Variants in CXorf58 observed in about 807,000 individuals in gnomAD.
CXorf58 encodes chromosome X open reading frame 58, also known as uncharacterized protein CXorf58.
Under a neutral mutation model 26.0 loss-of-function variants are expected in CXorf58, and 24 were observed. The ratio of observed to expected loss-of-function variants is 0.92; its 90% CI spans 0.67 to 1.30. CXorf58 has a LOEUF of 1.30. Among genes scored for constraint, CXorf58 ranks in the 50% most tolerant of loss-of-function variants. CXorf58 has a pLI of 0.00. For synonymous variants in CXorf58, 87 were observed against 86.1 expected (o/e 1.01, Z -0.06); for missense variants, 236 against 263.9 (o/e 0.89, Z 0.73).
chrX:23,922,430 C>T (rs1265812588), intron 5 of CXorf58, among the ~76,000 whole-genome samples: 2 of 111,244 alleles, frequency 1.8e-5, no homozygotes, highest in Non-Finnish European at 3.8e-5. Flanking sequence ...TAAGGTCTCA[C>T]ACCTGGAAAA....
At chrX:23,914,255 T>G (rs1471335583) in intron 3 of CXorf58, among the ~76,000 whole-genome samples, 1 of 109,766 alleles carries the variant, frequency 9.1e-6, no homozygotes, top group Non-Finnish European at 1.9e-5. Context: ...CTGGCTAATT[T>G]TTGTATTTTT....
In CXorf58 at chrX:23,911,588, A is replaced by C. The variant is rs182674511; in HGVS notation, c.117-169A>C. On this transcript the variant is annotated intron_variant, in intron 2 of 8. Transcript: ENST00000379211. The stretch of plus-strand genomic sequence containing the variant: ...TATTTCATATCCTCATTCTGAGTAG[A>C]TTCTGCAAATGACCACTTCCAATTA... Among the ~76,000 whole-genome samples, 6 of 110,764 alleles carry C rather than the reference A, an allele frequency of 5.4e-5. No individual in the cohort carries two copies. The East Asian group carries it at 1.7e-3, about 31-fold the overall frequency.
chrX:23,911,488 A>G (rs1927577326), intron 2 of CXorf58, among the ~76,000 whole-genome samples: 1 of 110,569 alleles, frequency 9.0e-6, no homozygotes, highest in African/African-American at 3.3e-5. Context: ...TGATATATTT[A>G]TATTTTATAT....
chrX:23,921,125 T>C (rs1360716756), intron 5 of CXorf58, among the ~76,000 whole-genome samples: 1 of 111,207 alleles, frequency 9.0e-6, no homozygotes, highest in Non-Finnish European at 1.9e-5. Flanking sequence ...TTTCAAGAAC[T>C]GAAATCCTCC....
rs761533023 is a variant in CXorf58 at position 23,916,308 on chromosome X, G to C, written c.403G>C (p.Val135Leu). 1 of 1,179,861 alleles carries C rather than the reference G, an allele frequency of 8.5e-7. No homozygotes were observed. The highest frequency in any genetic ancestry group is 3.0e-5 in the East Asian group (1 of 33,634). The change falls in exon 5 of 9, where the codon GTA becomes CTA. Residue 135 changes from valine (V) to leucine (L), a missense_variant. Transcript: ENST00000379211. Reference protein sequence around the residue: ...HGYKYFSGKNVLMPSSKAVDD... With the variant: ...HGYKYFSGKNLLMPSSKAVDD... ...TTACAAGTATTTTAGTGGAAAAAATGTATTAATGCCGTCAAGTAAGGTGAC... is the reference window on the plus strand; with the variant it reads ...TTACAAGTATTTTAGTGGAAAAAATCTATTAATGCCGTCAAGTAAGGTGAC...
At chrX:23,915,676 T>C (rs1259263103) in intron 3 of CXorf58, 24 bp from the exon 4 acceptor site, 5 of 997,178 alleles carry the variant, frequency 5.0e-6, no homozygotes, top group Non-Finnish European at 5.7e-6. Flanking sequence ...TGCTTTCCTT[T>C]TACAGCACTG....
intron 6 of CXorf58, among the ~76,000 whole-genome samples, chrX:23,930,129 G>A (rs1258171718): frequency 1.7e-4 from 16 of 96,210 alleles, no homozygotes; most frequent in African/African-American, 5.9e-4. Flanking sequence ...CCCAGGAGGC[G>A]GAGCTTGCAG....
In CXorf58 at chrX:23,921,079, CAATT is replaced by C. The variant is rs1028210177; in HGVS notation, c.423+4752_423+4755del. ...TGTAGTTACCCCTATAAAATATCAT[CAATT>C]GTTTCTTTCCTAGGATTATATAATG... On this transcript the variant is annotated intron_variant, in intron 5 of 8. Transcript: ENST00000379211. Among the ~76,000 whole-genome samples the C allele has an allele frequency of 2.7e-5, 3 of 110,520 alleles. No individual in the cohort carries two copies. In the Admixed American group the frequency reaches 2.9e-4, roughly 11 times the overall value.
intron 5 of CXorf58, among the ~76,000 whole-genome samples, chrX:23,921,697 G>T (rs1423479780): frequency 9.0e-6 from 1 of 110,778 alleles, no homozygotes; most frequent in Non-Finnish European, 1.9e-5. Context: ...TGTTGTTGTT[G>T]TTGTTGTTTT....
chrX:23,925,116 G>C (rs1323398230), intron 5 of CXorf58, among the ~76,000 whole-genome samples: 1 of 111,167 alleles, frequency 9.0e-6, no homozygotes, highest in Non-Finnish European at 1.9e-5. Flanking sequence ...CTATACGTTA[G>C]GAATAAAACT....
In CXorf58 at chrX:23,916,288, A is replaced by C; in HGVS notation, c.383A>C (p.Lys128Thr). 5 of 1,200,898 alleles carry C rather than the reference A, an allele frequency of 4.2e-6. No individual in the cohort carries two copies. The highest frequency in any genetic ancestry group is 5.6e-6 in the Non-Finnish European group (5 of 887,705). The change falls in exon 5 of 9, where the codon AAG becomes ACG. Residue 128 changes from lysine to threonine, a missense_variant. Lys to Thr is a moderately conservative substitution (Grantham distance 78). Transcript: ENST00000379211. ...CTTCATACTGATGGCCATGGTTACA[A>C]GTATTTTAGTGGAAAAAATGTATTA... ...IFLHTDGHGY[K>T]YFSGKNVLMP...
intron 6 of CXorf58, among the ~76,000 whole-genome samples, chrX:23,932,955 G>A (rs1321989911): frequency 3.6e-5 from 4 of 110,265 alleles, no homozygotes; most frequent in Non-Finnish European, 5.7e-5. Context: ...AGATTGCGCC[G>A]CTGCACTCCA....
rs1445145623 is a variant in CXorf58 at position 23,923,475 on chromosome X, T to TA, written c.424-3763dup. On this transcript the variant is annotated intron_variant, in intron 5 of 8. Coordinates refer to ENST00000379211, the MANE Select transcript of CXorf58 (RefSeq NM_152761.3). The stretch of plus-strand genomic sequence containing the variant: ...ATGGCGAAATTGTCTCTACTAAAAA[T>TA]ACAAAAAAAAAAAATTAGCCAGGCA... Among the ~76,000 whole-genome samples, 6 of 96,653 alleles carry TA rather than the reference T, an allele frequency of 6.2e-5. No individual in the cohort carries two copies. In the South Asian group the frequency reaches 3.0e-3, roughly 49 times the overall value. 83.9% of individuals were successfully genotyped at this position (96,653 alleles called of 115,157 possible). A position where few individuals can be genotyped will look rare whatever the true frequency, so the allele number is the denominator to read the frequency against.
intron 5 of CXorf58, among the ~76,000 whole-genome samples, chrX:23,922,621 A>T (rs1401681668): frequency 8.9e-6 from 1 of 112,137 alleles, no homozygotes; most frequent in Non-Finnish European, 1.9e-5. Context: ...AGTTGGAAAG[A>T]CTTGCCAGGA....
rs768474832 is a variant in CXorf58 at position 23,915,806 on chromosome X, A to C, written c.311+12A>C. On this transcript the variant is annotated intron_variant, in intron 4 of 8. Transcript: ENST00000379211. ...AAAATTAGATTCAGGTAATGTATCT[A>C]TGCTGATTTATTTCAAGAAGTACTT... The C allele has an allele frequency of 2.1e-6, 2 of 966,942 alleles. No individual in the cohort carries two copies. The highest frequency in any genetic ancestry group is 3.8e-5 in the African/African-American group (2 of 51,966). The allele number at this position is 966,942 out of a possible 1,213,427, so 79.7% of individuals were successfully genotyped here. A position where few individuals can be genotyped will look rare whatever the true frequency, so the allele number is the denominator to read the frequency against.
In CXorf58 at chrX:23,935,110, C is replaced by A. The variant is rs1928261444; in HGVS notation, c.556-86C>A. On this transcript the variant is annotated intron_variant, in intron 6 of 8. Coordinates refer to ENST00000379211, the MANE Select transcript of CXorf58 (RefSeq NM_152761.3). ...CGAACTCCTGACCTCAGGTGATCCA[C>A]CCGCATCAGCCTCCCAAAGTTCTGG... 7.5e-6 allele frequency: 5 copies of A among 670,040 alleles called. No individual in the cohort carries two copies. In the Admixed American group the frequency reaches 7.9e-5, roughly 11 times the overall value. 55.2% of individuals were successfully genotyped at this position (670,040 alleles called of 1,213,427 possible).
Position 23,911,953 on chromosome X carries a change from C to CATTTTTT in CXorf58, c.216+97_216+98insATTTTTT, listed in dbSNP as rs751227300. Reference sequence around the variant, plus strand: ...GAATAGATAACCTTCTTTATCTCCTCTTTTTTTTTTTTTTTTGAGAGGGAG... The same window carrying CATTTTTT: ...GAATAGATAACCTTCTTTATCTCCTCATTTTTTTTTTTTTTTTTTTTTTGAGAGGGAG... On this transcript the variant is annotated intron_variant, in intron 3 of 8. Coordinates refer to ENST00000379211, the MANE Select transcript of CXorf58 (RefSeq NM_152761.3). 1.8e-5 allele frequency: 8 copies of CATTTTTT among 443,903 alleles called. No individual in the cohort carries two copies. The East Asian group carries it at 3.9e-4, about 21-fold the overall frequency. The allele number at this position is 443,903 out of a possible 1,213,427, so 36.6% of individuals were successfully genotyped here.
chrX:23,923,973 G>C (rs1232494475), intron 5 of CXorf58, among the ~76,000 whole-genome samples: 1 of 111,803 alleles, frequency 8.9e-6, no homozygotes, highest in East Asian at 2.8e-4. Context: ...GGCTGAGGCA[G>C]GAGAATCGCT....
chrX:23,910,288 T>C lies in CXorf58; in HGVS notation c.-15T>C. The C allele has an allele frequency of 9.6e-7, 1 of 1,046,259 alleles. No individual in the cohort carries two copies. The highest frequency in any genetic ancestry group is 1.3e-6 in the Non-Finnish European group (1 of 749,818). The allele number at this position is 1,046,259 out of a possible 1,213,427, so 86.2% of individuals were successfully genotyped here. On this transcript the variant is annotated 5_prime_UTR_variant, in exon 2 of 9. Transcript: ENST00000379211. ...GTTAATTTATGTACTTTCAGATTAC[T>C]TCATTGGAGGGAAAATGAATCGTTC...
Sources: allele counts gnomAD v4.1 joint callset (sites outside exome capture counted in the v4.1 genomes callset), GRCh38; gene constraint gnomAD v4.1.1; transcripts MANE v1.5; gene names NCBI Gene and HGNC (gene_info 2026-07-23, HGNC 2026-07-21).